The following GPM6A variants were observed in gnomAD, a reference collection of about 807,000 sequenced individuals.
GPM6A encodes neuronal membrane glycoprotein M6-a.
A neutral mutation model predicts 32.1 loss-of-function variants in GPM6A; 7 were observed. The ratio of observed to expected loss-of-function variants is 0.22; its 90% CI spans 0.12 to 0.41. GPM6A has a LOEUF of 0.41. Among genes scored for constraint, GPM6A ranks in the 10% least tolerant of loss-of-function variants. The pLI, the probability that GPM6A is intolerant of heterozygous loss-of-function variation, is 1.00. For synonymous variants in GPM6A, 130 were observed against 123.4 expected, an observed-to-expected ratio of 1.05 and a Z score of -0.35; for missense variants, 235 against 347.2, an observed-to-expected ratio of 0.68 and a Z score of 2.57.
At chr4:175,931,925 A>C (rs913653669) in intron 1 of GPM6A, among the ~76,000 whole-genome samples, 29 of 151,892 alleles carry the variant, frequency 1.9e-4, no homozygotes, top group African/African-American at 6.0e-4. Context: ...GCTACAAAAA[A>C]TAATAAATAA....
At chr4:175,638,154 A>G (rs1047551736) in intron 6 of GPM6A, among the ~76,000 whole-genome samples, 1 of 150,908 alleles carries the variant, frequency 6.6e-6, no homozygotes, top group African/African-American at 2.4e-5. Flanking sequence ...ATAAGTTCTT[A>G]AGAAATATTA....
intron 3 of GPM6A, among the ~76,000 whole-genome samples, chr4:175,658,651 C>T (rs763290311): frequency 4.6e-5 from 7 of 152,086 alleles, no homozygotes; most frequent in African/African-American, 7.2e-5. Context: ...GTAGTGATAA[C>T]GGGAGTCTAT....
chr4:175,887,608 T>G (rs184653210), intron 1 of GPM6A, among the ~76,000 whole-genome samples: 1 of 151,904 alleles, frequency 6.6e-6, no homozygotes, highest in Non-Finnish European at 1.5e-5. Flanking sequence ...TCAAACCTAG[T>G]GTTCTAGATG....
intron 2 of GPM6A, among the ~76,000 whole-genome samples, chr4:175,696,758 G>GT (rs953336749): frequency 6.6e-6 from 1 of 152,108 alleles, no homozygotes; most frequent in African/African-American, 2.4e-5. Context: ...ATGAAACTTT[G>GT]TTTTTTCTTG....
intron 1 of GPM6A, among the ~76,000 whole-genome samples, chr4:175,794,768 G>A (rs1467708294): frequency 6.6e-6 from 1 of 152,106 alleles, no homozygotes; most frequent in Non-Finnish European, 1.5e-5. Flanking sequence ...TCACGTGAGG[G>A]CATGCTGAGA....
At chr4:175,942,716 T>C (rs2126347279) in intron 1 of GPM6A, among the ~76,000 whole-genome samples, 2 of 152,288 alleles carry the variant, frequency 1.3e-5, no homozygotes, top group South Asian at 4.1e-4. Flanking sequence ...CTGAGGGCTC[T>C]GTTCTGTTCC....
intron 1 of GPM6A, among the ~76,000 whole-genome samples, chr4:175,768,059 C>T (rs1280978012): frequency 6.6e-6 from 1 of 152,076 alleles, no homozygotes; most frequent in African/African-American, 2.4e-5. Context: ...GGAGAAAACA[C>T]AACAAAATTG....
At chr4:175,765,509 TTC>T (rs1320710736) in intron 1 of GPM6A, among the ~76,000 whole-genome samples, 1 of 152,222 alleles carries the variant, frequency 6.6e-6, no homozygotes, top group Non-Finnish European at 1.5e-5. Flanking sequence ...CCTCAAACAT[TTC>T]TCTTTTCTTT....
At chr4:175,669,524 A>G (rs1405615912) in intron 3 of GPM6A, among the ~76,000 whole-genome samples, 1 of 152,224 alleles carries the variant, frequency 6.6e-6, no homozygotes, top group Admixed American at 6.5e-5. Flanking sequence ...GACGCTCAAA[A>G]AGTTTCACAT....
intron 1 of GPM6A, among the ~76,000 whole-genome samples, chr4:175,888,274 T>C (rs1737527351): frequency 6.6e-6 from 1 of 152,152 alleles, no homozygotes; most frequent in African/African-American, 2.4e-5. Flanking sequence ...TTATGAAGAA[T>C]AAAGGCTTTA....
chr4:175,709,460 T>A (rs561488813), intron 1 of GPM6A, among the ~76,000 whole-genome samples: 36 of 152,238 alleles, frequency 2.4e-4, no homozygotes, highest in Admixed American at 2.0e-3. Context: ...CTGGTCACGG[T>A]GGCTCAAGCC....
intron 1 of GPM6A, among the ~76,000 whole-genome samples, chr4:175,819,074 G>A (rs1015682057): frequency 2.0e-5 from 3 of 152,162 alleles, no homozygotes; most frequent in Non-Finnish European, 2.9e-5. Context: ...CAAAATGCCA[G>A]AAAGCAAGAG....
chr4:175,713,394 T>C (rs535580494), intron 1 of GPM6A, among the ~76,000 whole-genome samples: 61 of 152,126 alleles, frequency 4.0e-4, no homozygotes, highest in Non-Finnish European at 6.0e-4. Flanking sequence ...GGTTTCATCA[T>C]ATTGGTCAGG....
At chr4:175,665,529 C>G (rs1045615119) in intron 3 of GPM6A, among the ~76,000 whole-genome samples, 1 of 151,850 alleles carries the variant, frequency 6.6e-6, no homozygotes, top group Non-Finnish European at 1.5e-5. Flanking sequence ...GCCTGTAATC[C>G]CAGCACTTTG....
At chr4:175,700,324 C>T (rs1481768074) in intron 2 of GPM6A, among the ~76,000 whole-genome samples, 1 of 151,968 alleles carries the variant, frequency 6.6e-6, no homozygotes, top group Admixed American at 6.6e-5. Flanking sequence ...CTGCCTAAAC[C>T]TGATGGAGTA....
chr4:175,773,680 A>G (rs558068731), intron 1 of GPM6A, among the ~76,000 whole-genome samples: 2 of 152,282 alleles, frequency 1.3e-5, no homozygotes, highest in African/African-American at 4.8e-5. Flanking sequence ...AACAATTTGA[A>G]TGGGGAGAGA....
chr4:175,768,050 G>A (rs1342491851), intron 1 of GPM6A, among the ~76,000 whole-genome samples: 2 of 152,142 alleles, frequency 1.3e-5, no homozygotes, highest in Admixed American at 1.3e-4. Context: ...TAAAACTGAG[G>A]AGAAAACACA....
rs576574477 is a variant in GPM6A, at chr4:175,840,452, C to T, written c.-22-28203G>A. Among the ~76,000 whole-genome samples the T allele has an allele frequency of 2.0e-5, 3 of 152,156 alleles. No homozygotes were observed. In the South Asian group the frequency reaches 6.2e-4, roughly 32 times the overall value. On this transcript the variant is annotated intron_variant, in intron 1 of 7. Coordinates refer to the GPM6A transcript ENST00000280187. ...CAGCACTTTGGGAGACCGAGGCGGA[C>T]GGATCACCTGAGGTCAGGAGTTTGA...
At chr4:175,713,943 A>AT (rs1490598097) in intron 1 of GPM6A, among the ~76,000 whole-genome samples, 5 of 151,966 alleles carry the variant, frequency 3.3e-5, no homozygotes, top group Admixed American at 6.6e-5. Context: ...CTACTTTGTC[A>AT]TAGATTTTTT....
Sources: allele counts gnomAD v4.1 joint callset (sites outside exome capture counted in the v4.1 genomes callset), GRCh38; gene constraint gnomAD v4.1.1; transcripts MANE v1.5; gene names NCBI Gene and HGNC (gene_info 2026-07-23, HGNC 2026-07-21).